The following KLHL2 variants were observed in gnomAD, a reference collection of about 807,000 sequenced individuals.
The protein encoded by KLHL2 is kelch-like protein 2.
A neutral mutation model predicts 75.8 loss-of-function variants in KLHL2; 15 were observed. That is an observed-to-expected ratio of 0.20 (90% CI 0.13 to 0.30). The LOEUF (loss-of-function observed/expected upper bound fraction) is 0.30. KLHL2 is among the 10% of genes least tolerant of loss of function. The pLI is 1.00. For synonymous variants in KLHL2, 214 were observed against 251.9 expected (o/e 0.85, Z 1.42); for missense variants, 381 against 741.0 (o/e 0.51, Z 5.64).
chr4:165,274,420 T>TAA (rs906438049), intron 5 of KLHL2, among the ~76,000 whole-genome samples: 4 of 152,128 alleles, frequency 2.6e-5, no homozygotes, highest in African/African-American at 9.6e-5. Flanking sequence ...CCATCCTGGC[T>TAA]AACATGGTGA....
chr4:165,248,291 GTT>G (rs981246427), intron 4 of KLHL2, among the ~76,000 whole-genome samples: 36 of 152,264 alleles, frequency 2.4e-4, no homozygotes, highest in African/African-American at 8.7e-4. Context: ...GGTGATTTAG[GTT>G]TTAAAAAGTT....
chr4:165,213,347 G>T (rs1197732505), intron 1 of KLHL2, among the ~76,000 whole-genome samples: 2 of 152,170 alleles, frequency 1.3e-5, no homozygotes, highest in African/African-American at 4.8e-5. Flanking sequence ...AGAGACTCAG[G>T]CAGTCACAGC....
intron 8 of KLHL2, among the ~76,000 whole-genome samples, chr4:165,302,556 A>G (rs111668309): frequency 5.4e-4 from 82 of 152,330 alleles, no homozygotes; most frequent in African/African-American, 1.8e-3. Context: ...TGGCTTCTCA[A>G]TAAACAGATT....
At chr4:165,271,287 G>A (rs1338846580) in intron 5 of KLHL2, among the ~76,000 whole-genome samples, 1 of 152,032 alleles carries the variant, frequency 6.6e-6, no homozygotes, top group Non-Finnish European at 1.5e-5. Flanking sequence ...TGTGAACATG[G>A]GATGTATTTC....
At chr4:165,213,650 T>G (rs1172967886) in intron 1 of KLHL2, among the ~76,000 whole-genome samples, 2 of 152,200 alleles carry the variant, frequency 1.3e-5, no homozygotes, top group Non-Finnish European at 2.9e-5. Flanking sequence ...ACCTTCCTGT[T>G]TAGATGGTAA....
chr4:165,240,114 G>A lies in KLHL2; in HGVS notation c.381+1215G>A, dbSNP rs867464027. On this transcript the variant is annotated intron_variant, in intron 4 of 14. Transcript: ENST00000226725. ...GGAATTGGTGGATCAAAGAGTACAT[G>A]CATATATTAATTTTTTGATAGCAAT... Among the ~76,000 whole-genome samples, 3 of 152,142 alleles carry A rather than the reference G, an allele frequency of 2.0e-5. No individual in the cohort carries two copies. The South Asian group carries it at 6.2e-4, about 31-fold the overall frequency.
At chr4:165,279,767 CTTCT>C in intron 5 of KLHL2, 1 of 784,608 alleles carries the variant, frequency 1.3e-6, no homozygotes, top group Non-Finnish European at 2.3e-6. Flanking sequence ...ACTAGCCTCA[CTTCT>C]TTACTGGCTG....
intron 1 of KLHL2, among the ~76,000 whole-genome samples, chr4:165,219,093 G>C (rs2110979218): frequency 6.6e-6 from 1 of 152,094 alleles, no homozygotes; most frequent in Admixed American, 6.5e-5. Flanking sequence ...TGATTTTTTT[G>C]GTTAATTTTA....
intron 2 of KLHL2, among the ~76,000 whole-genome samples, chr4:165,224,472 A>G (rs1400582249): frequency 6.6e-6 from 1 of 152,224 alleles, no homozygotes; most frequent in Admixed American, 6.5e-5. Flanking sequence ...TCATAACAGC[A>G]GTTCTTAACA....
chr4:165,244,885 T>C (rs1348253331), intron 4 of KLHL2, among the ~76,000 whole-genome samples: 1 of 152,184 alleles, frequency 6.6e-6, no homozygotes, highest in East Asian at 1.9e-4. Context: ...TGTGTTTTTT[T>C]TGACATTTTC....
intron 3 of KLHL2, among the ~76,000 whole-genome samples, chr4:165,235,147 C>T (rs368796167): frequency 1.0e-3 from 158 of 152,334 alleles, no homozygotes; most frequent in Middle Eastern, 0.01. Flanking sequence ...CCATTAGTTA[C>T]GTTAAGTAAA....
In KLHL2 at chr4:165,321,999, ACTT is replaced by A. The variant is rs776309074; in HGVS notation, c.1754-29_1754-27del. 66 of 1,609,078 alleles carry A rather than the reference ACTT, an allele frequency of 4.1e-5. No individual in the cohort carries two copies. The African/African-American group carries it at 7.6e-4, about 19-fold the overall frequency. On this transcript the variant is annotated intron_variant, in intron 14 of 14. Coordinates refer to ENST00000226725, the MANE Select transcript of KLHL2 (RefSeq NM_007246.4). ...TCAGAGATACAGAGTGCTGCCTGTG[ACTT>A]CTTTTTTCTCTCTTCATTTCTTTGC...
intron 6 of KLHL2, among the ~76,000 whole-genome samples, chr4:165,294,911 A>G (rs1193812036): frequency 6.6e-6 from 1 of 152,182 alleles, no homozygotes; most frequent in Non-Finnish European, 1.5e-5. Flanking sequence ...AGGATGGCGA[A>G]GTTTTGGTAG....
chr4:165,308,832 C>G (rs1745931662), intron 9 of KLHL2, among the ~76,000 whole-genome samples: 1 of 152,118 alleles, frequency 6.6e-6, no homozygotes, highest in Non-Finnish European at 1.5e-5. Context: ...GCTCACGAGT[C>G]TCCAGGCCCT....
chr4:165,235,841 G>GTCT (rs1396067155), intron 3 of KLHL2, among the ~76,000 whole-genome samples: 1 of 152,220 alleles, frequency 6.6e-6, no homozygotes, highest in Non-Finnish European at 1.5e-5. Context: ...GAGCATCAGG[G>GTCT]GTAAGACATT....
intron 4 of KLHL2, among the ~76,000 whole-genome samples, chr4:165,262,088 GT>G (rs1254079315): frequency 1.3e-5 from 2 of 148,436 alleles, no homozygotes; most frequent in Non-Finnish European, 2.9e-5. Flanking sequence ...ATATAACACT[GT>G]AATAATTCAC....
chr4:165,278,432 C>A lies in KLHL2; in HGVS notation c.544+15073C>A, dbSNP rs532463667. The A allele has an allele frequency of 1.0e-3, 1,494 of 1,487,022 alleles. 3 individuals are homozygous for A. The highest frequency in any genetic ancestry group is 1.3e-3 in the Non-Finnish European group (1,335 of 1,064,142). The allele number at this position is 1,487,022 out of a possible 1,614,324, so 92.1% of individuals were successfully genotyped here. ...TCGATTCATGGCATCCAAAATCTCT[C>A]GAGTTTGGAAACAAACAGCTTCTAA... On this transcript the variant is annotated intron_variant, in intron 5 of 14. Transcript: ENST00000226725.
At chr4:165,311,586 C>CA in intron 11 of KLHL2, 21 bp downstream of exon 11, 1 of 1,548,792 alleles carries the variant, frequency 6.5e-7, no homozygotes, top group Non-Finnish European at 8.9e-7. Flanking sequence ...ACAGTTCTTT[C>CA]AGGTACATGT....
At chr4:165,301,264 A>G (rs1053156785) in intron 8 of KLHL2, among the ~76,000 whole-genome samples, 1 of 152,210 alleles carries the variant, frequency 6.6e-6, no homozygotes, top group Non-Finnish European at 1.5e-5. Context: ...ATGGTATTTT[A>G]TTGGCCCCTA....
Sources: gnomAD v4.1 joint callset for allele counts (sites outside exome capture counted in the v4.1 genomes callset) on GRCh38, gnomAD v4.1.1 for gene constraint, MANE v1.5 for transcripts, NCBI Gene and HGNC (gene_info 2026-07-23, HGNC 2026-07-21) for gene names.